PPM1L: variants seen among roughly 807,000 people sequenced by gnomAD.
The protein encoded by PPM1L is protein phosphatase 1L.
Under a neutral mutation model 31.4 loss-of-function variants are expected in PPM1L, and 13 were observed. The ratio of observed to expected loss-of-function variants is 0.41; its 90% confidence interval spans 0.27 to 0.66. PPM1L has a LOEUF of 0.66. Ranked by LOEUF, PPM1L falls within the 30% of genes least tolerant of loss-of-function variation. PPM1L has a pLI of 0.29. For missense variants in PPM1L, 326 were observed against 453.7 expected (o/e 0.72, Z 2.56); for synonymous variants, 184 against 175.4 (o/e 1.05, Z -0.39).
At chr3:160,974,005 G>A (rs1349088249) in intron 2 of PPM1L, among the ~76,000 whole-genome samples, 17 of 127,268 alleles carry the variant, frequency 1.3e-4, no homozygotes, top group Non-Finnish European at 1.6e-4. Context: ...ATATCTCCCA[G>A]TGCTATCCCT....
chr3:161,029,770 T>C (rs909609431), intron 2 of PPM1L, among the ~76,000 whole-genome samples: 5 of 152,244 alleles, frequency 3.3e-5, no homozygotes, highest in Admixed American at 1.3e-4. Flanking sequence ...ATAGAATTTC[T>C]CCTTTCCTTG....
At chr3:160,786,157 CTGTGTGTGTGTG>C (rs1239014226) in intron 1 of PPM1L, among the ~76,000 whole-genome samples, 6 of 69,174 alleles carry the variant, frequency 8.7e-5, no homozygotes, top group Non-Finnish European at 1.4e-4. Context: ...CTCTCTCTCT[CTGTGTGTGTGTG>C]TGTGTGTGTG....
intron 1 of PPM1L, among the ~76,000 whole-genome samples, chr3:160,826,426 A>G (rs1042947652): frequency 2.0e-5 from 3 of 152,190 alleles, no homozygotes; most frequent in Non-Finnish European, 4.4e-5. Flanking sequence ...AGGCCATTAG[A>G]GCAATTGATA....
intron 2 of PPM1L, among the ~76,000 whole-genome samples, chr3:160,998,543 G>C (rs904167309): frequency 3.9e-5 from 6 of 152,042 alleles, no homozygotes; most frequent in Admixed American, 3.3e-4. Context: ...CAGGGTCACA[G>C]AGTTCAAAAT....
chr3:160,951,023 T>C (rs769206808), intron 1 of PPM1L, among the ~76,000 whole-genome samples: 24 of 152,346 alleles, frequency 1.6e-4, no homozygotes, highest in Middle Eastern at 3.4e-3. Context: ...TAAACAAATA[T>C]TACTTTTCAT....
intron 1 of PPM1L, among the ~76,000 whole-genome samples, chr3:160,944,020 T>TATA (rs1715244490): frequency 1.3e-5 from 2 of 152,132 alleles, no homozygotes; most frequent in Non-Finnish European, 1.5e-5. Flanking sequence ...TGGAACTTGC[T>TATA]TGTTGCAACC....
chr3:160,830,241 C>A (rs976874632), intron 1 of PPM1L, among the ~76,000 whole-genome samples: 8 of 152,166 alleles, frequency 5.3e-5, no homozygotes, highest in Non-Finnish European at 1.2e-4. Flanking sequence ...CAACTGTGGA[C>A]CCTGTGCTTT....
chr3:160,845,217 G>GTACAATA (rs1249166077), intron 1 of PPM1L, among the ~76,000 whole-genome samples: 1 of 151,954 alleles, frequency 6.6e-6, no homozygotes, highest in Non-Finnish European at 1.5e-5. Flanking sequence ...GAACATTTGT[G>GTACAATA]TACAATATGT....
chr3:160,928,799 A>G lies in PPM1L; in HGVS notation c.400-32937A>G, dbSNP rs1204309991. Among the ~76,000 whole-genome samples the G allele has an allele frequency of 3.3e-5, 5 of 152,148 alleles. No individual in the cohort carries two copies. In the East Asian group the frequency reaches 7.7e-4, roughly 24 times the overall value. On this transcript the variant is annotated intron_variant, in intron 1 of 3. Coordinates refer to ENST00000498165, the MANE Select transcript of PPM1L (RefSeq NM_139245.4). ...CCTAGATGGTGCCATCTATGAGAAC[A>G]GGCCTTCGCCGGAGACTGAACCTGC...
At chr3:160,932,545 G>A (rs940950246) in intron 1 of PPM1L, among the ~76,000 whole-genome samples, 4 of 152,148 alleles carry the variant, frequency 2.6e-5, no homozygotes, top group African/African-American at 9.7e-5. Flanking sequence ...CTTATAGGAT[G>A]AAGACTCCTT....
chr3:160,820,531 A>T (rs1314866088), intron 1 of PPM1L, among the ~76,000 whole-genome samples: 1 of 152,036 alleles, frequency 6.6e-6, no homozygotes, highest in Non-Finnish European at 1.5e-5. Context: ...CTGCTGTTTA[A>T]ATATGCTGCT....
intron 1 of PPM1L, among the ~76,000 whole-genome samples, chr3:160,764,269 C>A (rs978829910): frequency 1.3e-5 from 2 of 152,016 alleles, no homozygotes; most frequent in Non-Finnish European, 2.9e-5. Flanking sequence ...ATAGCTGGGA[C>A]TATAGGCATG....
At chr3:160,771,713 C>T (rs1375015043) in intron 1 of PPM1L, among the ~76,000 whole-genome samples, 1 of 151,632 alleles carries the variant, frequency 6.6e-6, no homozygotes, top group Non-Finnish European at 1.5e-5. Context: ...TTTTTGTAGT[C>T]AGTTTTAGGA....
At chr3:160,799,913 C>T (rs376190519) in intron 1 of PPM1L, among the ~76,000 whole-genome samples, 13 of 152,066 alleles carry the variant, frequency 8.5e-5, no homozygotes, top group Non-Finnish European at 1.8e-4. Context: ...GTGTATTGTA[C>T]GTCTCCCCTC....
At position 161,075,114 on chromosome 3, in the gene PPM1L, G is replaced by A. The variant is rs754646707; in HGVS notation, c.*5957G>A. 6.6e-6 allele frequency: 1 copy of A among 152,158 alleles called. No homozygotes were observed. The highest frequency in any genetic ancestry group is 2.4e-5 in the African/African-American group (1 of 41,432). The allele number at this position is 152,158 out of a possible 1,614,324, so 9.4% of individuals were successfully genotyped here. On this transcript the variant is annotated 3_prime_UTR_variant, in exon 4 of 4. Transcript: ENST00000498165. ...CGGGTTACTCGCTGCCACTTCAGGA[G>A]AGGGATTGTATCAGCTCTCATTACC...
At chr3:161,052,518 A>C (rs1174152212) in intron 2 of PPM1L, among the ~76,000 whole-genome samples, 2 of 152,234 alleles carry the variant, frequency 1.3e-5, no homozygotes, top group Non-Finnish European at 2.9e-5. Context: ...AGTCTCCTTG[A>C]AATTCAAAAG....
Position 160,801,690 on chromosome 3 carries a change from T to A in PPM1L, c.399+44983T>A, listed in dbSNP as rs189341663. ...TACTCAGGGGACTTCTGCAGTTTTT[T>A]GTTTTGTTTTGTTTTTAAAACTGTG... On this transcript the variant is annotated intron_variant, in intron 1 of 3. Transcript: ENST00000498165. Among the ~76,000 whole-genome samples, 249 of 152,332 alleles carry A rather than the reference T, an allele frequency of 1.6e-3. 1 individual carries two copies. Among genetic ancestry groups the A allele is most frequent in the Non-Finnish European group, 2.8e-3 (190 of 68,036 alleles).
At chr3:161,037,431 T>TTTTTA (rs1718776753) in intron 2 of PPM1L, among the ~76,000 whole-genome samples, 1 of 148,666 alleles carries the variant, frequency 6.7e-6, no homozygotes, top group African/African-American at 2.5e-5. Flanking sequence ...TTTTTTTTTT[T>TTTTTA]GAGATGGAAT....
At chr3:160,887,322 A>C (rs1297480847) in intron 1 of PPM1L, among the ~76,000 whole-genome samples, 5 of 152,124 alleles carry the variant, frequency 3.3e-5, no homozygotes, top group Non-Finnish European at 7.3e-5. Context: ...CCAACTGAGC[A>C]AGACAGGCCA....
Sources: allele counts gnomAD v4.1 joint callset (sites outside exome capture counted in the v4.1 genomes callset), GRCh38; gene constraint gnomAD v4.1.1; transcripts MANE v1.5; gene names NCBI Gene and HGNC (gene_info 2026-07-23, HGNC 2026-07-21).